Variants in NCF4 observed in about 807,000 individuals in gnomAD.
The protein encoded by NCF4 is neutrophil cytosolic factor 4, also known as neutrophil cytosol factor 4.
NCF4 carries 30 observed loss-of-function variants against 41.7 expected under a neutral mutation model. The ratio of observed to expected loss-of-function variants is 0.72; its 90% CI spans 0.54 to 0.97. NCF4 has a LOEUF of 0.97. Among genes scored for constraint, NCF4 ranks in the 50% least tolerant of loss-of-function variants. NCF4 has a pLI of 0.00. For missense variants in NCF4, 432 were observed against 460.9 expected, an observed-to-expected ratio of 0.94 and a Z score of 0.57; for synonymous variants, 195 against 175.8, an observed-to-expected ratio of 1.11 and a Z score of -0.87.
rs769313306 is a variant in NCF4 at position 36,876,102 on chromosome 22, G to A, written c.824+8G>A. ...CCTGCTGGAGCTCACAAGGTGAGGG[G>A]CTGGGAATGGGGCTGGGGAGTTAGA... On this transcript the variant is annotated splice_region_variant and intron_variant, in intron 9 of 9. Coordinates refer to ENST00000248899, the MANE Select transcript of NCF4 (RefSeq NM_000631.5). 46 of 1,602,378 alleles carry A rather than the reference G, an allele frequency of 2.9e-5. No homozygotes were observed. The highest frequency in any genetic ancestry group is 3.6e-5 in the Non-Finnish European group (42 of 1,173,194).
In NCF4 at chr22:36,861,203, G is replaced by T. The variant is rs1425070713; in HGVS notation, c.32G>T (p.Ser11Ile). 1 of 1,551,498 alleles carries T rather than the reference G, an allele frequency of 6.4e-7. No homozygotes were observed. The highest frequency in any genetic ancestry group is 1.2e-5 in the South Asian group (1 of 84,048). ...GTGGCCCAGCAGCTGCGGGCCGAGA[G>T]GTGAGTGCCGGGGTGTGGCCGCCCC... MAVAQQLRAE[S>I]DFEQLPDDVA... Residue 11 changes from serine to isoleucine, a missense_variant and splice_region_variant, in exon 1 of 10, where the codon AGT (serine) becomes ATT (isoleucine). By Grantham distance (142) the Ser-to-Ile change is moderately radical. Coordinates refer to ENST00000248899, the MANE Select transcript of NCF4 (RefSeq NM_000631.5).
chr22:36,861,340 C>A (rs1569108673), intron 1 of NCF4, 137 bp downstream of exon 1: 1 of 1,152,012 alleles, frequency 8.7e-7, no homozygotes, highest in Non-Finnish European at 1.3e-6. Context: ...CTCAGAAATG[C>A]AACCTCTCAG....
intron 1 of NCF4, among the ~76,000 whole-genome samples, chr22:36,863,831 C>T (rs1218902655): frequency 1.3e-5 from 2 of 151,762 alleles, no homozygotes; most frequent in East Asian, 1.9e-4. Flanking sequence ...TCAGTATGGC[C>T]GCCAGCTTCC....
chr22:36,862,582 C>A (rs766528193), intron 1 of NCF4, among the ~76,000 whole-genome samples: 2 of 152,186 alleles, frequency 1.3e-5, no homozygotes, highest in Non-Finnish European at 2.9e-5. Flanking sequence ...ACTCCCTGTC[C>A]CCTTTCAGCT....
intron 3 of NCF4, among the ~76,000 whole-genome samples, chr22:36,866,219 C>A (rs920483784): frequency 6.6e-6 from 1 of 152,100 alleles, no homozygotes; most frequent in Non-Finnish European, 1.5e-5. Flanking sequence ...TGGCCATCCT[C>A]TCCTTAACTC....
chr22:36,861,224 GC>G, intron 1 of NCF4, 21 bp downstream of exon 1: 1 of 1,551,280 alleles, frequency 6.4e-7, no homozygotes, highest in South Asian at 1.2e-5. Flanking sequence ...GGGTGTGGCC[GC>G]CCCCGGGCCT....
At chr22:36,867,595 C>A in intron 4 of NCF4, 133 bp downstream of exon 4, 1 of 929,666 alleles carries the variant, frequency 1.1e-6, no homozygotes, top group Non-Finnish European at 1.7e-6. Flanking sequence ...ATCTTCAATC[C>A]CTAAAGGCCT....
At position 36,872,513 on chromosome 22, in the gene NCF4, A is replaced by G. The variant is rs2072711; in HGVS notation, c.627+88A>G. 0.83 allele frequency: 961,963 copies of G among 1,152,614 alleles called. 402,369 individuals carry two copies. Among genetic ancestry groups the G allele is most frequent in the African/African-American group, 0.95 (62,540 of 66,066 alleles). The allele number at this position is 1,152,614 out of a possible 1,614,324, so 71.4% of individuals were successfully genotyped here. A position where few individuals can be genotyped will look rare whatever the true frequency, so the allele number is the denominator to read the frequency against. ...AAGATAGAGGTGAGGGTGGAAGTGCAATTGGAGGTGAGGATGAAGGTGAGG... is the reference window on the plus strand; with the variant it reads ...AAGATAGAGGTGAGGGTGGAAGTGCGATTGGAGGTGAGGATGAAGGTGAGG... On this transcript the variant is annotated intron_variant, in intron 7 of 9. Coordinates refer to ENST00000248899, the MANE Select transcript of NCF4 (RefSeq NM_000631.5).
At chr22:36,861,309 G>GGTT in intron 1 of NCF4, 106 bp downstream of exon 1, 5 of 1,407,086 alleles carry the variant, frequency 3.6e-6, no homozygotes, top group Non-Finnish European at 3.9e-6. Context: ...GAGAGGCTGG[G>GGTT]GTTGAGTCAG....
Position 36,865,891 on chromosome 22 carries a change from C to T in NCF4, c.271+819C>T, listed in dbSNP as rs1939916181. Reference sequence around the variant, plus strand: ...CTTCTCATCCAGCCCCACCAAGGAACTTGAAGCTCCCCCTAGGAGTCTTGC... The same window carrying T: ...CTTCTCATCCAGCCCCACCAAGGAATTTGAAGCTCCCCCTAGGAGTCTTGC... On this transcript the variant is annotated intron_variant, in intron 3 of 9. Transcript: ENST00000248899. This position sits in a 1 kb window ranked among gnomAD's most constrained non-coding sequence, Gnocchi z 4.3. 6.6e-6 allele frequency among the ~76,000 whole-genome samples: 1 copy of T among 152,156 alleles called. No homozygotes were observed. Among genetic ancestry groups the T allele is most frequent in the African/African-American group, 2.4e-5 (1 of 41,436 alleles).
rs539854681 is a variant in NCF4, at chr22:36,867,343, G to C, written c.272-49G>C. ...GCCTGTAGGGGCAGCCCTGAGCCCC[G>C]GGGCCATGTTGGGCCAGGCTCCTAG... On this transcript the variant is annotated intron_variant, in intron 3 of 9. Transcript: ENST00000248899. 6 of 1,604,498 alleles carry C rather than the reference G, an allele frequency of 3.7e-6. No homozygotes were observed. The South Asian group carries it at 4.4e-5, about 12-fold the overall frequency.
intron 5 of NCF4, among the ~76,000 whole-genome samples, chr22:36,870,951 G>T (rs376198139): frequency 1.9e-4 from 29 of 152,172 alleles, no homozygotes; most frequent in East Asian, 7.7e-4. Flanking sequence ...GGCCAGCTAT[G>T]GCTCTAGTTG....
Position 36,872,419 on chromosome 22 carries a change from G to C in NCF4, c.621G>C (p.Trp207Cys). Residue 207 changes from tryptophan (W) to cysteine (C), a missense_variant, in exon 7 of 10, where the codon TGG (tryptophan) becomes TGC (cysteine). Trp to Cys is a radical substitution (Grantham distance 215). Transcript: ENST00000248899. The part of the protein sequence containing the change: ...IFLLSRINKD[W>C]LEGTVRGATG... ...TCCTCAGTCGGATCAACAAAGACTG[G>C]CTGGAGGTGAGTTCAGAAGTGAGGA... The C allele has an allele frequency of 6.2e-7, 1 of 1,605,344 alleles. No homozygotes were observed. Among genetic ancestry groups the C allele is most frequent in the Non-Finnish European group, 8.5e-7 (1 of 1,171,982 alleles).
intron 7 of NCF4, 54 bp downstream of exon 7, chr22:36,872,479 TTAA>T: frequency 1.4e-6 from 2 of 1,418,528 alleles, no homozygotes; most frequent in Non-Finnish European, 2.0e-6. Flanking sequence ...TGGAGGGAAA[TTAA>T]AAGTGAAGAT....
In NCF4 at chr22:36,861,210, G is replaced by A. The variant is rs1477372393; in HGVS notation, c.32+7G>A. On this transcript the variant is annotated splice_region_variant and intron_variant, in intron 1 of 9. Coordinates refer to ENST00000248899, the MANE Select transcript of NCF4 (RefSeq NM_000631.5). The stretch of plus-strand genomic sequence containing the variant: ...AGCAGCTGCGGGCCGAGAGGTGAGT[G>A]CCGGGGTGTGGCCGCCCCCGGGCCT... The A allele has an allele frequency of 1.9e-6, 3 of 1,551,378 alleles. No homozygotes were observed. Among genetic ancestry groups the A allele is most frequent in the Non-Finnish European group, 2.6e-6 (3 of 1,146,838 alleles).
intron 3 of NCF4, among the ~76,000 whole-genome samples, chr22:36,866,773 C>T (rs1939937138): frequency 6.6e-6 from 1 of 152,206 alleles, no homozygotes; most frequent in South Asian, 2.1e-4. Context: ...GGTAGCCCGT[C>T]ATATTTCCTT....
chr22:36,877,531 T>C (rs1940218721), intron 9 of NCF4, 97 bp from the exon 10 acceptor site: 1 of 1,294,856 alleles, frequency 7.7e-7, no homozygotes, highest in Non-Finnish European at 1.1e-6. Context: ...GACTTTTTCT[T>C]ACTCCTGGCT....
At chr22:36,867,327 G>A in intron 3 of NCF4, 65 bp from the exon 4 acceptor site, 1 of 1,567,624 alleles carries the variant, frequency 6.4e-7, no homozygotes, top group Non-Finnish European at 8.8e-7. Flanking sequence ...GGCCTGTAGG[G>A]GCAGCCCTGA....
rs3221695 is a variant in NCF4, at chr22:36,867,110, C to CGTGTGTGTGTGTGT, written c.272-262_272-249dup. Among the ~76,000 whole-genome samples, 66 of 143,872 alleles carry CGTGTGTGTGTGTGT rather than the reference C, an allele frequency of 4.6e-4. 1 individual carries two copies. The highest frequency in any genetic ancestry group is 7.3e-4 in the African/African-American group (28 of 38,202). 94.4% of individuals were successfully genotyped at this position (143,872 alleles called of 152,430 possible). A position where few individuals can be genotyped will look rare whatever the true frequency, so the allele number is the denominator to read the frequency against. The stretch of plus-strand genomic sequence containing the variant: ...ATCCTGCTCTCTTAGAACTAAGAGT[C>CGTGTGTGTGTGTGT]GTGTGTGTGTGTGTGTGTGTGTGTG... On this transcript the variant is annotated intron_variant, in intron 3 of 9. Coordinates refer to ENST00000248899, the MANE Select transcript of NCF4 (RefSeq NM_000631.5).
Sources: allele counts gnomAD v4.1 joint callset (sites outside exome capture counted in the v4.1 genomes callset), GRCh38; gene constraint gnomAD v4.1.1; non-coding constraint Gnocchi (gnomAD v3.1); transcripts MANE v1.5; gene names NCBI Gene and HGNC (gene_info 2026-07-23, HGNC 2026-07-21).